The following BTF3L4 variants were observed in gnomAD, a reference collection of about 807,000 sequenced individuals.
BTF3L4 encodes transcription factor BTF3 homolog 4.
In BTF3L4, 6 loss-of-function variants were observed where a neutral mutation model predicts 16.8. The observed-to-expected ratio is 0.36, with a 90% CI of 0.20 to 0.71. BTF3L4 has a LOEUF of 0.71. BTF3L4 is among the 30% of genes least tolerant of loss of function. The pLI is 0.58. For missense variants in BTF3L4, 92 were observed against 186.9 expected (o/e 0.49, Z 2.96); for synonymous variants, 39 against 59.8 (o/e 0.65, Z 1.60).
chr1:52,064,701 T>C (rs923463222), intron 2 of BTF3L4, 124 bp from the exon 3 acceptor site: 12 of 560,818 alleles, frequency 2.1e-5, no homozygotes, highest in Non-Finnish European at 3.8e-5. Flanking sequence ...CTTATAACAT[T>C]AATCATTATT....
intron 2 of BTF3L4, among the ~76,000 whole-genome samples, chr1:52,061,278 CAG>C (rs991104432): frequency 3.3e-5 from 5 of 152,060 alleles, no homozygotes; most frequent in Non-Finnish European, 5.9e-5. Flanking sequence ...CAGTTGAGGT[CAG>C]GAGTTCAAGA....
chr1:52,057,706 C>T (rs984867859), intron 1 of BTF3L4, among the ~76,000 whole-genome samples: 1 of 152,200 alleles, frequency 6.6e-6, no homozygotes, highest in African/African-American at 2.4e-5. Flanking sequence ...CCACACACCA[C>T]AACTTGCCAA....
chr1:52,078,073 T>C (rs1175212842), intron 3 of BTF3L4, among the ~76,000 whole-genome samples: 1 of 152,084 alleles, frequency 6.6e-6, no homozygotes, highest in Non-Finnish European at 1.5e-5. Context: ...TCCTTTTTTT[T>C]CCTTTTTTAA....
At chr1:52,083,318 T>G (rs755889313) in intron 3 of BTF3L4, 22 bp from the exon 4 acceptor site, 1 of 1,598,716 alleles carries the variant, frequency 6.3e-7, no homozygotes, top group Admixed American at 1.7e-5. Context: ...GTGAAGTACA[T>G]TTTTCTTCTG....
intron 3 of BTF3L4, among the ~76,000 whole-genome samples, chr1:52,074,903 C>A (rs1686892442): frequency 6.6e-6 from 1 of 151,726 alleles, no homozygotes; most frequent in South Asian, 2.1e-4. Flanking sequence ...CTGAGAGATT[C>A]CATCACCATG....
rs1358264712 is a variant in BTF3L4, at chr1:52,086,905, T to G, written c.*147T>G. ...TTAATAATGCTGTTTGTTCAGCATT[T>G]TTCGGTCATTTGATTTTGCATTTTG... On this transcript the variant is annotated 3_prime_UTR_variant, in exon 6 of 6. Coordinates refer to ENST00000313334, the MANE Select transcript of BTF3L4 (RefSeq NM_152265.5). 2 of 444,700 alleles carry G rather than the reference T, an allele frequency of 4.5e-6. No individual in the cohort carries two copies. The highest frequency in any genetic ancestry group is 4.0e-6 in the Non-Finnish European group (1 of 249,956). The allele number at this position is 444,700 out of a possible 1,614,324, so 27.5% of individuals were successfully genotyped here.
rs1326991405 is a variant in BTF3L4, at chr1:52,087,593, G to C, written c.*835G>C. The C allele has an allele frequency of 6.6e-6, 1 of 152,144 alleles. No homozygotes were observed. Among genetic ancestry groups the C allele is most frequent in the Non-Finnish European group, 1.5e-5 (1 of 68,030 alleles). 9.4% of individuals were successfully genotyped at this position (152,144 alleles called of 1,614,324 possible). On this transcript the variant is annotated 3_prime_UTR_variant, in exon 6 of 6. Transcript: ENST00000313334. ...TAAGATTTTGTTCCCTCAGCTTGAG[G>C]AACAACTTCATCTTCAACTTTTTAT...
chr1:52,080,080 C>T (rs928366011), intron 3 of BTF3L4, among the ~76,000 whole-genome samples: 4 of 152,044 alleles, frequency 2.6e-5, no homozygotes, highest in Admixed American at 1.3e-4. Context: ...CTATGTTAGC[C>T]AGACTGGTTG....
At chr1:52,068,307 G>A (rs778615155) in intron 3 of BTF3L4, among the ~76,000 whole-genome samples, 1 of 152,174 alleles carries the variant, frequency 6.6e-6, no homozygotes, top group Non-Finnish European at 1.5e-5. Flanking sequence ...AAACATCTGC[G>A]TGCTAAGCAT....
intron 3 of BTF3L4, among the ~76,000 whole-genome samples, chr1:52,066,534 C>G (rs1219049895): frequency 6.7e-6 from 1 of 148,786 alleles, no homozygotes; most frequent in Non-Finnish European, 1.5e-5. Context: ...AAAGTTTACG[C>G]TTTTACTGCC....
At chr1:52,070,931 G>C (rs74514570) in intron 3 of BTF3L4, among the ~76,000 whole-genome samples, 1 of 152,066 alleles carries the variant, frequency 6.6e-6, no homozygotes, top group African/African-American at 2.4e-5. Context: ...GAGCCACTGC[G>C]CCTGGCCAAT....
rs781139014 is a variant in BTF3L4 at position 52,060,396 on chromosome 1, T to G, written c.54+495T>G. The stretch of plus-strand genomic sequence containing the variant: ...TGTACAGAGGTTTAGCTGGAGATGC[T>G]TAAGTTGATTATATATTTTGTTCAT... On this transcript the variant is annotated intron_variant, in intron 2 of 5. Coordinates refer to ENST00000313334, the MANE Select transcript of BTF3L4 (RefSeq NM_152265.5). 1.5e-5 allele frequency: 17 copies of G among 1,139,596 alleles called. No individual in the cohort carries two copies. In the Admixed American group the frequency reaches 4.1e-4, roughly 28 times the overall value. 70.6% of individuals were successfully genotyped at this position (1,139,596 alleles called of 1,614,324 possible). A position where few individuals can be genotyped will look rare whatever the true frequency, so the allele number is the denominator to read the frequency against.
Position 52,059,767 on chromosome 1 carries a change from T to C in BTF3L4, c.-13-68T>C, listed in dbSNP as rs1427795726. The C allele has an allele frequency of 3.6e-5, 50 of 1,379,552 alleles. No homozygotes were observed. The South Asian group carries it at 5.7e-4, about 16-fold the overall frequency. The allele number at this position is 1,379,552 out of a possible 1,614,324, so 85.5% of individuals were successfully genotyped here. Reference sequence around the variant, plus strand: ...ACAAGCTCAGTGAACCAGAAGGTACTGTTGCATAAACAGTTTGTTAATTTC... The same window carrying C: ...ACAAGCTCAGTGAACCAGAAGGTACCGTTGCATAAACAGTTTGTTAATTTC... On this transcript the variant is annotated intron_variant, in intron 1 of 5. Coordinates refer to ENST00000313334, the MANE Select transcript of BTF3L4 (RefSeq NM_152265.5).
rs183468692 is a variant in BTF3L4, at chr1:52,066,702, C to T, written c.168+1764C>T. On this transcript the variant is annotated intron_variant, in intron 3 of 5. Transcript: ENST00000313334. ...ACTAAAAATTAAAAAAAAAATTAGC[C>T]GGGCATGGTGGCGGGCACCTGTAGT... is the stretch of plus-strand genomic sequence containing the variant. Among the ~76,000 whole-genome samples, 1,522 of 151,240 alleles carry T rather than the reference C, an allele frequency of 0.01. 78 individuals are homozygous for T. In the East Asian group the frequency reaches 0.13, roughly 13 times the overall value.
rs1644006677 is a variant in BTF3L4, at chr1:52,090,173, G to A, written c.*3415G>A. 1 of 152,182 alleles carries A rather than the reference G, an allele frequency of 6.6e-6. No individual in the cohort carries two copies. Among genetic ancestry groups the A allele is most frequent in the South Asian group, 2.1e-4 (1 of 4,830 alleles). The allele number at this position is 152,182 out of a possible 1,614,324, so 9.4% of individuals were successfully genotyped here. A position where few individuals can be genotyped will look rare whatever the true frequency, so the allele number is the denominator to read the frequency against. Reference sequence around the variant, plus strand: ...AGGTGTCATTTTCATAGACTGCAGTGTGAATAGTGTCCTCCATTAATAATG... The same window carrying A: ...AGGTGTCATTTTCATAGACTGCAGTATGAATAGTGTCCTCCATTAATAATG... On this transcript the variant is annotated 3_prime_UTR_variant, in exon 6 of 6. Transcript: ENST00000313334.
chr1:52,076,741 A>G (rs1159914369), intron 3 of BTF3L4, among the ~76,000 whole-genome samples: 1 of 152,242 alleles, frequency 6.6e-6, no homozygotes, highest in Admixed American at 6.5e-5. Context: ...GCTAGAATTG[A>G]ATGTGAAGGA....
In BTF3L4 at chr1:52,067,957, G is replaced by A. The variant is rs1686695978; in HGVS notation, c.168+3019G>A. Among the ~76,000 whole-genome samples, 3 of 151,684 alleles carry A rather than the reference G, an allele frequency of 2.0e-5. No individual in the cohort carries two copies. In the Admixed American group the frequency reaches 2.0e-4, roughly 10 times the overall value. On this transcript the variant is annotated intron_variant, in intron 3 of 5. Transcript: ENST00000313334. ...GATTGCCATGTATACGTACCTTGCAGGCAAAGGGCAGGCACCCTTAGCTGA... is the reference window on the plus strand; with the variant it reads ...GATTGCCATGTATACGTACCTTGCAAGCAAAGGGCAGGCACCCTTAGCTGA...
intron 2 of BTF3L4, chr1:52,060,626 A>G (rs1273818631): frequency 9.1e-7 from 1 of 1,102,580 alleles, no homozygotes; most frequent in African/African-American, 1.6e-5. Context: ...GCAAAAGTGA[A>G]AGAAAGAATA....
chr1:52,075,323 G>T (rs965022744), intron 3 of BTF3L4, among the ~76,000 whole-genome samples: 1 of 150,286 alleles, frequency 6.7e-6, no homozygotes, highest in Admixed American at 6.6e-5. Flanking sequence ...GGAGGATCAC[G>T]AGGTCTGGCC....
Sources: allele counts gnomAD v4.1 joint callset (sites outside exome capture counted in the v4.1 genomes callset), GRCh38; gene constraint gnomAD v4.1.1; transcripts MANE v1.5; gene names NCBI Gene and HGNC (gene_info 2026-07-23, HGNC 2026-07-21).